Variants in RXRA observed in about 807,000 individuals in gnomAD.
The protein encoded by RXRA is retinoic acid receptor RXR-alpha.
A neutral mutation model predicts 44.5 loss-of-function variants in RXRA; 5 were observed. The observed-to-expected ratio is 0.11, with a 90% CI of 0.06 to 0.24. RXRA has a LOEUF of 0.24. Among genes scored for constraint, RXRA ranks in the 10% least tolerant of loss-of-function variants. The pLI, the probability that RXRA is intolerant of heterozygous loss-of-function variation, is 1.00. For synonymous variants in RXRA, 291 were observed against 271.4 expected, an observed-to-expected ratio of 1.07 and a Z score of -0.71; for missense variants, 412 against 646.5, an observed-to-expected ratio of 0.64 and a Z score of 3.93.
At chr9:134,334,351 T>C (rs1554747039) in intron 1 of RXRA, among the ~76,000 whole-genome samples, 1 of 152,244 alleles carries the variant, frequency 6.6e-6, no homozygotes, top group South Asian at 2.1e-4. Context: ...TGCCTGTGCT[T>C]GGGGAGGATG....
At chr9:134,328,966 G>A (rs985514353) in intron 1 of RXRA, among the ~76,000 whole-genome samples, 1 of 152,210 alleles carries the variant, frequency 6.6e-6, no homozygotes, top group African/African-American at 2.4e-5. Context: ...CGAGGGACTC[G>A]CCAGAGGCAG....
intron 1 of RXRA, among the ~76,000 whole-genome samples, chr9:134,395,225 C>A (rs145586098): frequency 6.6e-6 from 1 of 152,246 alleles, no homozygotes; most frequent in Non-Finnish European, 1.5e-5. Context: ...AGGACTGTGG[C>A]GTTGTGTCTG....
In RXRA at chr9:134,342,412, G is replaced by C. The variant is rs1830096555; in HGVS notation, c.28+15753G>C. ...CAAGGCCACACAGCTTGTGGGCATG[G>C]AGGGGCCGATCCTTGCCCTTTCCCT... is the stretch of plus-strand genomic sequence containing the variant. On this transcript the variant is annotated intron_variant, in intron 1 of 9. Coordinates refer to ENST00000481739, the MANE Select transcript of RXRA (RefSeq NM_002957.6). The surrounding 1 kb of genome is among the most constrained non-coding windows in gnomAD (Gnocchi z 4.4). 6.6e-6 allele frequency among the ~76,000 whole-genome samples: 1 copy of C among 152,218 alleles called. No individual in the cohort carries two copies. Among genetic ancestry groups the C allele is most frequent in the South Asian group, 2.1e-4 (1 of 4,830 alleles).
intron 1 of RXRA, among the ~76,000 whole-genome samples, chr9:134,396,886 A>T (rs1830887677): frequency 6.6e-6 from 1 of 152,080 alleles, no homozygotes; most frequent in Non-Finnish European, 1.5e-5. Context: ...GCAGATTCCA[A>T]AGGGATGTGG....
chr9:134,398,374 C>CTCACGTGG (rs61416113), intron 1 of RXRA, among the ~76,000 whole-genome samples: 1 of 151,726 alleles, frequency 6.6e-6, no homozygotes, highest in African/African-American at 2.4e-5. Context: ...AGAGCCCACA[C>CTCACGTGG]ACGGGGCCCT....
intron 1 of RXRA, among the ~76,000 whole-genome samples, chr9:134,399,894 C>T (rs35780541): frequency 0.064 from 9,766 of 152,232 alleles, 366 homozygotes; most frequent in South Asian, 0.15. Context: ...CTTTCTGCAC[C>T]TTCCTCCCTG....
At chr9:134,410,147 C>G (rs565706526) in intron 4 of RXRA, among the ~76,000 whole-genome samples, 1 of 152,358 alleles carries the variant, frequency 6.6e-6, no homozygotes, top group East Asian at 1.9e-4. Context: ...CTCTGCCAGG[C>G]GCCGTGCTCC....
rs567038714 is a variant in RXRA at position 134,427,285 on chromosome 9, G to A, written c.911-1823G>A. 20 of 521,216 alleles carry A rather than the reference G, an allele frequency of 3.8e-5. No individual in the cohort carries two copies. In the South Asian group the frequency reaches 1.3e-3, roughly 33 times the overall value. The allele number at this position is 521,216 out of a possible 1,614,324, so 32.3% of individuals were successfully genotyped here. ...GGATGCCACTGCATGCTGCGGCCTTGGTTGTGTTTCCTAAACCCCCGCCCC... is the reference window on the plus strand; with the variant it reads ...GGATGCCACTGCATGCTGCGGCCTTAGTTGTGTTTCCTAAACCCCCGCCCC... On this transcript the variant is annotated intron_variant, in intron 6 of 9. Transcript: ENST00000481739.
At position 134,384,735 on chromosome 9, in the gene RXRA, A is replaced by T. The variant is rs530926469; in HGVS notation, c.29-16897A>T. ...CTCTGGCCCTTTTCTGTCTTCCAGG[A>T]GGAAAGGAGCCCTCTGTGTCCCACC... On this transcript the variant is annotated intron_variant, in intron 1 of 9. Transcript: ENST00000481739. 2.6e-5 allele frequency among the ~76,000 whole-genome samples: 4 copies of T among 152,206 alleles called. No homozygotes were observed. The East Asian group carries it at 5.8e-4, about 22-fold the overall frequency.
intron 1 of RXRA, among the ~76,000 whole-genome samples, chr9:134,378,366 C>T (rs900372302): frequency 6.6e-6 from 1 of 152,236 alleles, no homozygotes; most frequent in African/African-American, 2.4e-5. Context: ...CGCCTGTGTG[C>T]GGGGTCCTTA....
At position 134,431,905 on chromosome 9, in the gene RXRA, G is replaced by A; in HGVS notation, c.1044G>A (p.Arg348=). 6.2e-7 allele frequency: 1 copy of A among 1,612,832 alleles called. No individual in the cohort carries two copies. Residue 348 remains arginine (R), a splice_region_variant and synonymous_variant, in exon 8 of 10, where the codon AGG becomes AGA. Coordinates refer to ENST00000481739, the MANE Select transcript of RXRA (RefSeq NM_002957.6). ...HSAGVGAIFD[R]VLTELVSKMR... Reference sequence around the variant, plus strand: ...GGGTGTCTGCCCTCCTCCTCTGCAGGGTGCTGACGGAGCTTGTGTCCAAGA... The same window carrying A: ...GGGTGTCTGCCCTCCTCCTCTGCAGAGTGCTGACGGAGCTTGTGTCCAAGA...
intron 1 of RXRA, among the ~76,000 whole-genome samples, chr9:134,384,862 A>T (rs1830696079): frequency 6.6e-6 from 1 of 152,186 alleles, no homozygotes; most frequent in Non-Finnish European, 1.5e-5. Context: ...CCTGGCCTCC[A>T]GTCCTGAGCA....
intron 1 of RXRA, among the ~76,000 whole-genome samples, chr9:134,336,467 C>T (rs1019480159): frequency 1.3e-5 from 2 of 152,180 alleles, no homozygotes; most frequent in South Asian, 2.1e-4. Context: ...CTTCCCTCTT[C>T]GTCTTGATTT....
chr9:134,402,064 G>A, intron 2 of RXRA, 182 bp downstream of exon 2: 1 of 598,134 alleles, frequency 1.7e-6, no homozygotes, highest in Non-Finnish European at 2.9e-6. Context: ...CCCAGGTGGG[G>A]CTGACTGCTG....
Position 134,431,900 on chromosome 9 carries a change from T to C in RXRA, c.1044-5T>C. 1 of 1,612,236 alleles carries C rather than the reference T, an allele frequency of 6.2e-7. No individual in the cohort carries two copies. The highest frequency in any genetic ancestry group is 1.1e-5 in the South Asian group (1 of 91,042). On this transcript the variant is annotated splice_region_variant and splice_polypyrimidine_tract_variant and intron_variant, in intron 7 of 9. Transcript: ENST00000481739. ...GGATGGGGTGTCTGCCCTCCTCCTC[T>C]GCAGGGTGCTGACGGAGCTTGTGTC...
intron 6 of RXRA, chr9:134,424,524 C>T (rs1831402067): frequency 1.2e-5 from 12 of 985,394 alleles, no homozygotes; most frequent in Middle Eastern, 5.2e-4. Context: ...TGAGTCCCAG[C>T]CCCACTACCC....
chr9:134,427,147 A>G (rs1468783693), intron 6 of RXRA: 5 of 984,788 alleles, frequency 5.1e-6, no homozygotes, highest in Non-Finnish European at 6.0e-6. Context: ...ATGTGATGCT[A>G]CAGATGTTTC....
intron 1 of RXRA, among the ~76,000 whole-genome samples, chr9:134,330,945 C>T (rs1286846289): frequency 6.6e-6 from 1 of 152,212 alleles, no homozygotes; most frequent in African/African-American, 2.4e-5. Context: ...TGGCTAGGTC[C>T]TCTCTGTGCC....
At chr9:134,393,923 C>T (rs1201620813) in intron 1 of RXRA, among the ~76,000 whole-genome samples, 2 of 152,076 alleles carry the variant, frequency 1.3e-5, no homozygotes, top group South Asian at 4.1e-4. Context: ...AGCCTCGGCA[C>T]CACTTCCTAT....
Sources: gnomAD v4.1 joint callset for allele counts (sites outside exome capture counted in the v4.1 genomes callset) on GRCh38, gnomAD v4.1.1 for gene constraint, Gnocchi (gnomAD v3.1) non-coding constraint, MANE v1.5 for transcripts, NCBI Gene and HGNC (gene_info 2026-07-23, HGNC 2026-07-21) for gene names.